Variants in ZZEF1 observed in about 807,000 individuals in gnomAD.
ZZEF1 encodes the protein zinc finger ZZ-type and EF-hand domain-containing protein 1.
A neutral mutation model predicts 342.8 loss-of-function variants in ZZEF1; 157 were observed. That is an observed-to-expected ratio of 0.46 (90% confidence interval 0.40 to 0.52). ZZEF1 has a LOEUF of 0.52. ZZEF1 is among the 20% of genes least tolerant of loss of function. The pLI is 0.00. For missense variants in ZZEF1, 3,480 were observed against 3,725.6 expected, an observed-to-expected ratio of 0.93 and a Z score of 1.72; for synonymous variants, 1,505 against 1,429.1, an observed-to-expected ratio of 1.05 and a Z score of -1.20.
intron 11 of ZZEF1, among the ~76,000 whole-genome samples, chr17:4,093,163 G>C (rs2057975686): frequency 6.6e-6 from 1 of 152,064 alleles, no homozygotes; most frequent in Non-Finnish European, 1.5e-5. Flanking sequence ...AGATGTAAAA[G>C]ACCTTGTTTA....
intron 43 of ZZEF1, among the ~76,000 whole-genome samples, chr17:4,023,144 C>T (rs1477585742): frequency 2.6e-5 from 4 of 152,210 alleles, no homozygotes; most frequent in Non-Finnish European, 4.4e-5. Context: ...TTGACCACCA[C>T]GCTTGTTCCA....
chr17:4,090,566 T>C (rs2057922973), intron 12 of ZZEF1, among the ~76,000 whole-genome samples, 153 bp downstream of exon 12: 1 of 152,242 alleles, frequency 6.6e-6, no homozygotes, highest in African/African-American at 2.4e-5. Context: ...TATCACACTG[T>C]CTTACACATC....
At chr17:4,124,139 C>T (rs139901148) in intron 1 of ZZEF1, 88 bp from the exon 2 acceptor site, 17 of 1,433,268 alleles carry the variant, frequency 1.2e-5, no homozygotes, top group South Asian at 4.5e-5. Flanking sequence ...TTCTCGAGAC[C>T]GGTGATTTAT....
intron 42 of ZZEF1, among the ~76,000 whole-genome samples, chr17:4,025,974 A>G (rs1009863942): frequency 6.6e-6 from 1 of 152,190 alleles, no homozygotes; most frequent in Non-Finnish European, 1.5e-5. Flanking sequence ...AAAGAAACAG[A>G]GATCAGAGTT....
chr17:4,098,023 A>T (rs2058067207), intron 9 of ZZEF1, among the ~76,000 whole-genome samples: 1 of 151,858 alleles, frequency 6.6e-6, no homozygotes, highest in African/African-American at 2.4e-5. Flanking sequence ...AGTTCACTTA[A>T]GGTCAGGAGT....
intron 6 of ZZEF1, among the ~76,000 whole-genome samples, chr17:4,108,782 G>T (rs186839920): frequency 7.2e-4 from 109 of 152,340 alleles, no homozygotes; most frequent in Non-Finnish European, 9.4e-4. Context: ...ATAATTTAGT[G>T]AGAATACATG....
intron 44 of ZZEF1, chr17:4,022,339 A>C (rs1054092064): frequency 1.1e-5 from 2 of 186,580 alleles, no homozygotes; most frequent in African/African-American, 4.7e-5. Context: ...ATCAACTAAA[A>C]TCCTACGTAC....
Position 4,078,062 on chromosome 17 carries a change from C to A in ZZEF1, c.2830-20G>T, listed in dbSNP as rs1028666727. ...CTCGCACTACAAGGGAGGAGACAAA[C>A]AGAAAGTGTTCGTGACAAGGCCATT... is the stretch of plus-strand genomic sequence containing the variant. On this transcript the variant is annotated intron_variant, in intron 18 of 54. Transcript: ENST00000381638. 1 of 1,605,876 alleles carries A rather than the reference C, an allele frequency of 6.2e-7. No individual in the cohort carries two copies. Among genetic ancestry groups the A allele is most frequent in the African/African-American group, 1.3e-5 (1 of 74,788 alleles).
At chr17:4,010,005 C>CGG (rs1171206714) in intron 52 of ZZEF1, among the ~76,000 whole-genome samples, 1 of 152,074 alleles carries the variant, frequency 6.6e-6, no homozygotes, top group Non-Finnish European at 1.5e-5. Flanking sequence ...AATGTGCTCA[C>CGG]GGGGATTACT....
intron 38 of ZZEF1, among the ~76,000 whole-genome samples, chr17:4,043,385 T>G (rs2056843871): frequency 6.6e-6 from 1 of 152,206 alleles, no homozygotes; most frequent in African/African-American, 2.4e-5. Flanking sequence ...TCAGACTGTT[T>G]TCTGGAACTC....
intron 9 of ZZEF1, 27 bp downstream of exon 9, chr17:4,102,290 C>A: frequency 6.2e-7 from 1 of 1,601,174 alleles, no homozygotes; most frequent in Non-Finnish European, 8.6e-7. Context: ...ACCGAGCACA[C>A]TAGAAACAGA....
intron 1 of ZZEF1, among the ~76,000 whole-genome samples, chr17:4,128,295 C>T (rs570010527): frequency 1.5e-5 from 2 of 133,476 alleles, no homozygotes; most frequent in South Asian, 2.5e-4. Context: ...TTGCAGTGAG[C>T]TGAGATGGCG....
Position 4,121,486 on chromosome 17 carries a change from CGTGG to C in ZZEF1, c.499+2417_499+2420del, listed in dbSNP as rs1264335019. 2.0e-5 allele frequency among the ~76,000 whole-genome samples: 3 copies of C among 152,170 alleles called. No homozygotes were observed. The East Asian group carries it at 5.8e-4, about 29-fold the overall frequency. ...ACTAAAAACATAAAAATTAGCCGGA[CGTGG>C]TGGCAGTTGCCTGTGCTCCCAGCTA... On this transcript the variant is annotated intron_variant, in intron 2 of 54. Coordinates refer to ENST00000381638, the MANE Select transcript of ZZEF1 (RefSeq NM_015113.4).
chr17:4,085,613 G>C (rs1007648271), intron 16 of ZZEF1, 57 bp downstream of exon 16: 7 of 1,604,524 alleles, frequency 4.4e-6, no homozygotes, highest in Admixed American at 1.7e-5. Flanking sequence ...ACAAAGCCTA[G>C]CAAATTTCAT....
Position 4,076,996 on chromosome 17 carries a change from A to T in ZZEF1, c.2990-7T>A, listed in dbSNP as rs771064509. The T allele has an allele frequency of 3.1e-6, 5 of 1,607,802 alleles. No individual in the cohort carries two copies. In the African/African-American group the frequency reaches 5.4e-5, roughly 17 times the overall value. On this transcript the variant is annotated splice_polypyrimidine_tract_variant and splice_region_variant and intron_variant, in intron 19 of 54. Coordinates refer to ENST00000381638, the MANE Select transcript of ZZEF1 (RefSeq NM_015113.4). The stretch of plus-strand genomic sequence containing the variant: ...GCCAGAAACTGGCCCACATCTACCG[A>T]AACAAAGAAAATAATTAATATATTA...
chr17:4,063,069 C>A, intron 29 of ZZEF1, 152 bp from the exon 30 acceptor site: 1 of 724,292 alleles, frequency 1.4e-6, no homozygotes, highest in Non-Finnish European at 2.1e-6. Context: ...ACCAATACCT[C>A]TTTACTATTT....
chr17:4,106,904 C>T (rs763283361), intron 6 of ZZEF1, among the ~76,000 whole-genome samples: 4 of 152,168 alleles, frequency 2.6e-5, no homozygotes, highest in African/African-American at 4.8e-5. Flanking sequence ...TTCATTTCTA[C>T]ATTTCAAAAT....
At chr17:4,067,333 A>T (rs897937725) in intron 26 of ZZEF1, 91 bp from the exon 27 acceptor site, 7 of 993,942 alleles carry the variant, frequency 7.0e-6, no homozygotes, top group African/African-American at 6.6e-5. Context: ...CTGCTGAAGT[A>T]CAGGAAAAGT....
intron 1 of ZZEF1, among the ~76,000 whole-genome samples, chr17:4,134,246 G>A (rs1400677868): frequency 2.0e-5 from 3 of 151,020 alleles, no homozygotes; most frequent in Non-Finnish European, 4.4e-5. Context: ...TTGAACCTAG[G>A]AGGTCAAGGC....
Sources: allele counts gnomAD v4.1 joint callset (sites outside exome capture counted in the v4.1 genomes callset), GRCh38; gene constraint gnomAD v4.1.1; transcripts MANE v1.5; gene names NCBI Gene and HGNC (gene_info 2026-07-23, HGNC 2026-07-21).